Variants in CC2D2B observed in about 807,000 individuals in gnomAD.
CC2D2B encodes the protein protein CC2D2B.
In CC2D2B, 128 loss-of-function variants were observed where a neutral mutation model predicts 161.2. The ratio of observed to expected loss-of-function variants is 0.79; its 90% confidence interval spans 0.69 to 0.92. CC2D2B has a LOEUF of 0.92. CC2D2B is among the 40% of genes least tolerant of loss of function. The probability of loss-of-function intolerance (pLI) is 0.00; values close to 1 mark genes in which losing one functional copy is unlikely to be tolerated. For missense variants in CC2D2B, 1,173 were observed against 1,375.1 expected, an observed-to-expected ratio of 0.85 and a Z score of 2.32; for synonymous variants, 391 against 449.8, an observed-to-expected ratio of 0.87 and a Z score of 1.65.
chr10:95,972,878 A>C (rs2077184319), intron 16 of CC2D2B, among the ~76,000 whole-genome samples: 1 of 152,058 alleles, frequency 6.6e-6, no homozygotes, highest in South Asian at 2.1e-4. Flanking sequence ...TGAACTGTAT[A>C]GGGAAGGGAA....
intron 24 of CC2D2B, among the ~76,000 whole-genome samples, chr10:96,002,333 A>G (rs994727943): frequency 6.6e-6 from 1 of 152,174 alleles, no homozygotes; most frequent in Non-Finnish European, 1.5e-5. Flanking sequence ...TTTAGTGAAT[A>G]AAAACCACAA....
intron 21 of CC2D2B, 59 bp from the exon 22 acceptor site, chr10:95,992,466 CTG>C (rs1440744026): frequency 8.7e-6 from 10 of 1,148,658 alleles, no homozygotes; most frequent in Non-Finnish European, 9.9e-6. Flanking sequence ...ACTCAAAAGA[CTG>C]TTATCTTTTA....
rs1419138772 is a variant in CC2D2B, at chr10:96,009,884, C to T, written c.3006C>T (p.Cys1002=). 2 of 1,609,196 alleles carry T rather than the reference C, an allele frequency of 1.2e-6. No homozygotes were observed. Among genetic ancestry groups the T allele is most frequent in the Non-Finnish European group, 1.7e-6 (2 of 1,176,656 alleles). Residue 1002 remains cysteine, a synonymous_variant, in exon 26 of 35, where the codon TGC becomes TGT. Coordinates refer to ENST00000646931, the MANE Select transcript of CC2D2B (RefSeq NM_001349008.3). ...ATATAAGAAAGAATTGGCTTGGATG[C>T]ATTGTCTTCCCTTTTTCTGCTCTTC... ...HSYIRKNWLG[C]IVFPFSALLQ...
Position 95,951,223 on chromosome 10 carries a change from G to T in CC2D2B, c.1011+1118G>T, listed in dbSNP as rs184337125. The stretch of plus-strand genomic sequence containing the variant: ...GCTGCAATGCAGTGGCTCAATCATG[G>T]CTCACTGCAGCCTCAACCCAGGCTC... On this transcript the variant is annotated intron_variant, in intron 10 of 34. Coordinates refer to ENST00000646931, the MANE Select transcript of CC2D2B (RefSeq NM_001349008.3). 3.7e-3 allele frequency among the ~76,000 whole-genome samples: 566 copies of T among 152,086 alleles called. 5 individuals are homozygous for T. The highest frequency in any genetic ancestry group is 0.013 in the South Asian group (65 of 4,818).
At chr10:96,019,600 C>A in intron 31 of CC2D2B, 102 bp from the exon 32 acceptor site, 1 of 1,181,066 alleles carries the variant, frequency 8.5e-7, no homozygotes, top group Non-Finnish European at 1.2e-6. Context: ...GATTCTGCCA[C>A]TTCATTGAGT....
intron 2 of CC2D2B, chr10:95,919,172 G>A (rs1346236778): frequency 6.6e-6 from 1 of 152,110 alleles, no homozygotes; most frequent in African/African-American, 2.4e-5. Context: ...TGGTCTTGAA[G>A]CTTGTGGGTG....
At chr10:95,920,604 A>G (rs1305734924) in intron 2 of CC2D2B, 1 of 152,014 alleles carries the variant, frequency 6.6e-6, no homozygotes, top group East Asian at 1.9e-4. Context: ...TTCCTCAAGC[A>G]GAAGGTGTCT....
At chr10:95,976,556 G>A (rs971156965) in intron 17 of CC2D2B, among the ~76,000 whole-genome samples, 1 of 152,210 alleles carries the variant, frequency 6.6e-6, no homozygotes, top group Non-Finnish European at 1.5e-5. Context: ...CTCAAGGACT[G>A]GCTCTGAGCA....
In CC2D2B at chr10:95,924,381, A is replaced by C. The variant is rs1315579583; in HGVS notation, c.165A>C (p.Lys55Asn). 6.7e-7 allele frequency: 1 copy of C among 1,503,420 alleles called. No homozygotes were observed. Among genetic ancestry groups the C allele is most frequent in the Non-Finnish European group, 9.0e-7 (1 of 1,116,562 alleles). The allele number at this position is 1,503,420 out of a possible 1,614,324, so 93.1% of individuals were successfully genotyped here. A position where few individuals can be genotyped will look rare whatever the true frequency, so the allele number is the denominator to read the frequency against. ...TLRGKVREKL[K>N]ISKINKGEKS... The stretch of plus-strand genomic sequence containing the variant: ...GAGGCAAAGTGAGAGAAAAGCTAAA[A>C]ATTTCTAAGGTAATGCTTTTTAAAA... The change falls in exon 4 of 35, where the codon AAA becomes AAC. Residue 55 changes from lysine to asparagine, a missense_variant. Transcript: ENST00000646931.
At chr10:96,030,945 G>A (rs1030841562) in intron 34 of CC2D2B, among the ~76,000 whole-genome samples, 3 of 152,278 alleles carry the variant, frequency 2.0e-5, no homozygotes, top group East Asian at 1.9e-4. Flanking sequence ...GCAAGTGACC[G>A]AATCTCTCTA....
intron 20 of CC2D2B, among the ~76,000 whole-genome samples, chr10:95,988,991 G>C (rs1475879473): frequency 1.3e-5 from 2 of 152,186 alleles, no homozygotes; most frequent in African/African-American, 4.8e-5. Context: ...TGAATTAAAG[G>C]ATGGGAGTTG....
At chr10:95,969,029 A>C in intron 15 of CC2D2B, 128 bp downstream of exon 15, 1 of 398,614 alleles carries the variant, frequency 2.5e-6, no homozygotes. Context: ...CTTTATGTGT[A>C]GATGATAAGA....
In CC2D2B at chr10:95,961,970, G is replaced by C. The variant is rs560335571; in HGVS notation, c.1250+1G>C. ...CCCCAATAAAGTTACAGGTTCAGAGGTAAGTGGCTGCTCTATTTGCTCTTA... is the reference window on the plus strand; with the variant it reads ...CCCCAATAAAGTTACAGGTTCAGAGCTAAGTGGCTGCTCTATTTGCTCTTA... On this transcript the variant is annotated splice_donor_variant, in intron 12 of 34. Transcript: ENST00000646931. LOFTEE classifies it high-confidence loss of function. 1.6e-6 allele frequency: 2 copies of C among 1,231,558 alleles called. No homozygotes were observed. Among genetic ancestry groups the C allele is most frequent in the East Asian group, 6.3e-5 (2 of 31,674 alleles). The allele number at this position is 1,231,558 out of a possible 1,614,324, so 76.3% of individuals were successfully genotyped here.
Position 96,031,847 on chromosome 10 carries a change from T to C in CC2D2B, c.4153T>C (p.Tyr1385His). 2 of 1,613,692 alleles carry C rather than the reference T, an allele frequency of 1.2e-6. No homozygotes were observed. The highest frequency in any genetic ancestry group is 1.1e-5 in the South Asian group (1 of 91,050). Reference protein sequence around the residue: ...WVTGFPIQMPYIDVQSIIDAV... With the variant: ...WVTGFPIQMPHIDVQSIIDAV... The stretch of plus-strand genomic sequence containing the variant: ...CACGGGATTTCCCATCCAGATGCCA[T>C]ACATTGATGTACAGTCAATTATTGA... The change falls in exon 35 of 35, where the codon TAC becomes CAC. Residue 1385 changes from tyrosine to histidine, a missense_variant. Transcript: ENST00000646931.
intron 21 of CC2D2B, 107 bp from the exon 22 acceptor site, chr10:95,992,420 G>T: frequency 1.2e-6 from 1 of 856,168 alleles, no homozygotes; most frequent in South Asian, 6.2e-5. Flanking sequence ...CCATAATGCA[G>T]AGAATATGGT....
At chr10:96,012,070 C>T in intron 26 of CC2D2B, 115 bp from the exon 27 acceptor site, 1 of 534,724 alleles carries the variant, frequency 1.9e-6, no homozygotes, top group Non-Finnish European at 3.3e-6. Context: ...GAGTAGAAGC[C>T]CGTTCACGCA....
At chr10:95,910,935 C>T (rs2098505262) in intron 1 of CC2D2B, among the ~76,000 whole-genome samples, 1 of 152,012 alleles carries the variant, frequency 6.6e-6, no homozygotes. Context: ...AGGGAAGATA[C>T]TGACTTTTAC....
At chr10:96,015,134 G>A (rs10786257) in intron 29 of CC2D2B, among the ~76,000 whole-genome samples, 98,500 of 151,292 alleles carry the variant, frequency 0.65, 32,335 homozygotes, top group East Asian at 0.86. Context: ...GCACGATCTC[G>A]ACTCACTGCA....
At chr10:96,000,141 CT>C in intron 24 of CC2D2B, 1 of 1,472,110 alleles carries the variant, frequency 6.8e-7, no homozygotes, top group Non-Finnish European at 9.0e-7. Flanking sequence ...TATCACCTTT[CT>C]TATAGATTCG....
Sources: allele counts gnomAD v4.1 joint callset (sites outside exome capture counted in the v4.1 genomes callset), GRCh38; gene constraint gnomAD v4.1.1; transcripts MANE v1.5; gene names NCBI Gene and HGNC (gene_info 2026-07-23, HGNC 2026-07-21).